Variants in SIK2 observed in about 807,000 individuals in gnomAD.
The protein encoded by SIK2 is serine/threonine-protein kinase SIK2.
Under a neutral mutation model 103.2 loss-of-function variants are expected in SIK2, and 29 were observed. The observed-to-expected ratio is 0.28, with a 90% CI of 0.21 to 0.38. The LOEUF is 0.38. Among genes scored for constraint, SIK2 ranks in the 10% least tolerant of loss-of-function variants. The pLI is 1.00. For synonymous variants in SIK2, 412 were observed against 446.1 expected, an observed-to-expected ratio of 0.92 and a Z score of 0.96; for missense variants, 879 against 1,171.0, an observed-to-expected ratio of 0.75 and a Z score of 3.64.
chr11:111,711,869 A>T (rs1401325878), intron 8 of SIK2, among the ~76,000 whole-genome samples: 1 of 152,230 alleles, frequency 6.6e-6, no homozygotes, highest in Non-Finnish European at 1.5e-5. Flanking sequence ...TCTGGGTATT[A>T]TATTTAAAGA....
rs541566913 is a variant in SIK2, at chr11:111,728,856, G to C, written c.*4727G>C. On this transcript the variant is annotated 3_prime_UTR_variant, in exon 15 of 15. Coordinates refer to ENST00000304987, the MANE Select transcript of SIK2 (RefSeq NM_015191.3). ...GGAGAATGGCGTGAACCCGGGAGGT[G>C]GAGCTTGCAGTGAGCCAAGATCGTG... 6.6e-6 allele frequency: 1 copy of C among 151,528 alleles called. No homozygotes were observed. Among genetic ancestry groups the C allele is most frequent in the Admixed American group, 6.6e-5 (1 of 15,244 alleles). 9.4% of individuals were successfully genotyped at this position (151,528 alleles called of 1,614,324 possible). A position where few individuals can be genotyped will look rare whatever the true frequency, so the allele number is the denominator to read the frequency against.
At chr11:111,720,191 C>CT (rs1943759882) in intron 10 of SIK2, among the ~76,000 whole-genome samples, 188 bp downstream of exon 10, 1 of 152,202 alleles carries the variant, frequency 6.6e-6, no homozygotes, top group African/African-American at 2.4e-5. Flanking sequence ...TGAAATGTCT[C>CT]TGAGTTGGCT....
At chr11:111,621,460 A>G (rs868702494) in intron 3 of SIK2, among the ~76,000 whole-genome samples, 29 of 150,880 alleles carry the variant, frequency 1.9e-4, no homozygotes, top group Middle Eastern at 6.8e-3. Flanking sequence ...GTAGTATTAT[A>G]TTATATGAAT....
At chr11:111,714,003 G>A (rs1180735520) in intron 9 of SIK2, among the ~76,000 whole-genome samples, 1 of 152,162 alleles carries the variant, frequency 6.6e-6, no homozygotes, top group East Asian at 1.9e-4. Flanking sequence ...AGTCCTTTAA[G>A]GAAGTATAAA....
chr11:111,718,467 T>C (rs1943709345), intron 9 of SIK2, among the ~76,000 whole-genome samples: 1 of 152,208 alleles, frequency 6.6e-6, no homozygotes, highest in African/African-American at 2.4e-5. Context: ...CTCTTCCTCT[T>C]AAATGACCGC....
chr11:111,720,740 A>G lies in SIK2; in HGVS notation c.1758A>G (p.Ala586=). 1 of 1,600,234 alleles carries G rather than the reference A, an allele frequency of 6.2e-7. No individual in the cohort carries two copies. The highest frequency in any genetic ancestry group is 8.5e-7 in the Non-Finnish European group (1 of 1,173,326). Residue 586 remains alanine, a synonymous_variant, in exon 11 of 15, where the codon GCA becomes GCG. Transcript: ENST00000304987. ...TGAGCTTCAGAGAGGGCCGCAGAGC[A>G]TCAGATACCTCCCTCACCCAGGGTG... is the stretch of plus-strand genomic sequence containing the variant. The part of the protein sequence containing the change: ...SPVSFREGRR[A]SDTSLTQGIV...
intron 3 of SIK2, among the ~76,000 whole-genome samples, chr11:111,685,476 T>A (rs1022078814): frequency 6.6e-6 from 1 of 152,136 alleles, no homozygotes; most frequent in African/African-American, 2.4e-5. Flanking sequence ...TGACAAGGTG[T>A]TGAGAGAACA....
chr11:111,634,763 G>T (rs1942083782), intron 3 of SIK2, among the ~76,000 whole-genome samples: 1 of 152,168 alleles, frequency 6.6e-6, no homozygotes, highest in African/African-American at 2.4e-5. Context: ...ATAATGATCT[G>T]CCCCGTCTTC....
chr11:111,709,946 C>T (rs1591636568), intron 8 of SIK2, among the ~76,000 whole-genome samples: 2 of 152,304 alleles, frequency 1.3e-5, no homozygotes, highest in African/African-American at 4.8e-5. Flanking sequence ...GAGTCAGGGA[C>T]GGAGCAGTGT....
chr11:111,671,569 T>C, intron 3 of SIK2: 1 of 325,582 alleles, frequency 3.1e-6, no homozygotes. Flanking sequence ...GGCCTGGCTG[T>C]GATTGGAGAT....
At chr11:111,713,766 A>G (rs543013103) in intron 9 of SIK2, among the ~76,000 whole-genome samples, 1 of 152,354 alleles carries the variant, frequency 6.6e-6, no homozygotes, top group East Asian at 1.9e-4. Context: ...CAGGAGTTCA[A>G]GACCAGCGTG....
In SIK2 at chr11:111,730,798, ACT is replaced by A. The variant is rs1052048889; in HGVS notation, c.*6670_*6671del. ...GGGTAATTTTCTGCAAGGAAAATGT[ACT>A]GTTTTTATGTTTCCAACCCTCTTGA... On this transcript the variant is annotated 3_prime_UTR_variant, in exon 15 of 15. Transcript: ENST00000304987. The A allele has an allele frequency of 6.6e-6, 1 of 152,236 alleles. No homozygotes were observed. Among genetic ancestry groups the A allele is most frequent in the Admixed American group, 6.5e-5 (1 of 15,286 alleles). The allele number at this position is 152,236 out of a possible 1,614,324, so 9.4% of individuals were successfully genotyped here. A position where few individuals can be genotyped will look rare whatever the true frequency, so the allele number is the denominator to read the frequency against.
chr11:111,706,796 C>T lies in SIK2; in HGVS notation c.1101+1657C>T, dbSNP rs573032645. On this transcript the variant is annotated intron_variant, in intron 8 of 14. Transcript: ENST00000304987. Reference sequence around the variant, plus strand: ...CCAACATGGTGAAACCCCGTCTCTACTAAAAATACAAAAATTAGCCGAGTG... The same window carrying T: ...CCAACATGGTGAAACCCCGTCTCTATTAAAAATACAAAAATTAGCCGAGTG... Among the ~76,000 whole-genome samples the T allele has an allele frequency of 2.8e-3, 419 of 151,820 alleles. 2 individuals carry two copies. The highest frequency in any genetic ancestry group is 2.6e-3 in the Non-Finnish European group (179 of 67,948).
In SIK2 at chr11:111,701,581, C is replaced by A. The variant is rs773099454; in HGVS notation, c.727+6C>A. ...TCCGTATTTCATGTCAGAAGGTAAT[C>A]AACTTTTCATCTTATTAATGGTGTT... On this transcript the variant is annotated splice_donor_region_variant and intron_variant, in intron 6 of 14. Transcript: ENST00000304987. The surrounding 1 kb of genome is among the most constrained non-coding windows in gnomAD (Gnocchi z 4.2). 3.1e-6 allele frequency: 5 copies of A among 1,613,262 alleles called. No individual in the cohort carries two copies. The highest frequency in any genetic ancestry group is 4.2e-6 in the Non-Finnish European group (5 of 1,179,440).
At chr11:111,621,875 T>C (rs1478799812) in intron 3 of SIK2, among the ~76,000 whole-genome samples, 1 of 151,986 alleles carries the variant, frequency 6.6e-6, no homozygotes, top group Non-Finnish European at 1.5e-5. Context: ...ACCGCACCAC[T>C]GTACTTTAGC....
At chr11:111,667,649 C>T (rs1419515336) in intron 3 of SIK2, among the ~76,000 whole-genome samples, 2 of 151,872 alleles carry the variant, frequency 1.3e-5, no homozygotes, top group African/African-American at 4.8e-5. Context: ...GTGCCCACCA[C>T]GTCCGGCTTG....
rs1210079831 is a variant in SIK2, at chr11:111,724,868, A to G, written c.*739A>G. 1.3e-5 allele frequency: 2 copies of G among 152,300 alleles called. No individual in the cohort carries two copies. The highest frequency in any genetic ancestry group is 2.9e-5 in the Non-Finnish European group (2 of 68,096). 9.4% of individuals were successfully genotyped at this position (152,300 alleles called of 1,614,324 possible). On this transcript the variant is annotated 3_prime_UTR_variant, in exon 15 of 15. Coordinates refer to ENST00000304987, the MANE Select transcript of SIK2 (RefSeq NM_015191.3). ...CAGAGGTGTCACACGTGGAACTGAC[A>G]GGAGACCCGCCACCGTGGAGGCAGG...
At chr11:111,699,870 G>A (rs1565368676) in intron 4 of SIK2, among the ~76,000 whole-genome samples, 1 of 152,184 alleles carries the variant, frequency 6.6e-6, no homozygotes, top group Admixed American at 6.5e-5. Context: ...AATCTGTCTG[G>A]CAGTAGAGAC....
chr11:111,635,577 C>T (rs925484922), intron 3 of SIK2, among the ~76,000 whole-genome samples: 3 of 151,802 alleles, frequency 2.0e-5, no homozygotes, highest in African/African-American at 7.3e-5. Flanking sequence ...GTCTGTAAAT[C>T]GAAGGAAATA....
Sources: gnomAD v4.1 joint callset for allele counts (sites outside exome capture counted in the v4.1 genomes callset) on GRCh38, gnomAD v4.1.1 for gene constraint, Gnocchi (gnomAD v3.1) non-coding constraint, MANE v1.5 for transcripts, NCBI Gene and HGNC (gene_info 2026-07-23, HGNC 2026-07-21) for gene names.